DIAPH2: variants seen among roughly 807,000 people sequenced by gnomAD.
DIAPH2 encodes the protein protein diaphanous homolog 2.
A neutral mutation model predicts 92.7 loss-of-function variants in DIAPH2; 35 were observed. The ratio of observed to expected loss-of-function variants is 0.38; its 90% CI spans 0.29 to 0.50. The LOEUF (loss-of-function observed/expected upper bound fraction) is 0.50. Among genes scored for constraint, DIAPH2 ranks in the 20% least tolerant of loss-of-function variants. The pLI, the probability that DIAPH2 is intolerant of heterozygous loss-of-function variation, is 0.94. For synonymous variants in DIAPH2, 301 were observed against 280.4 expected, an observed-to-expected ratio of 1.07 and a Z score of -0.73; for missense variants, 701 against 819.5, an observed-to-expected ratio of 0.86 and a Z score of 1.77.
At chrX:97,010,707 T>C (rs780383540) in intron 17 of DIAPH2, among the ~76,000 whole-genome samples, 6 of 112,243 alleles carry the variant, frequency 5.3e-5, no homozygotes, top group African/African-American at 1.9e-4. Flanking sequence ...ATTTAGTACT[T>C]GTAAAAATTA....
At chrX:96,907,954 A>G (rs1216616358) in intron 5 of DIAPH2, among the ~76,000 whole-genome samples, 1 of 112,147 alleles carries the variant, frequency 8.9e-6, no homozygotes, top group African/African-American at 3.2e-5. Context: ...ATACTAATAC[A>G]TGCAACGAAA....
In DIAPH2 at chrX:96,765,201, T is replaced by C. The variant is rs1054529144; in HGVS notation, c.447+6943T>C. The stretch of plus-strand genomic sequence containing the variant: ...AGAGACCATATTCACATGTTTTTTT[T>C]TTTTTTTTTTTTTTGAGAAAGGGTC... On this transcript the variant is annotated intron_variant, in intron 4 of 26. Transcript: ENST00000324765. Among the ~76,000 whole-genome samples the C allele has an allele frequency of 8.4e-5, 4 of 47,359 alleles. No individual in the cohort carries two copies. The South Asian group carries it at 4.1e-3, about 48-fold the overall frequency. The allele number at this position is 47,359 out of a possible 115,157, so 41.1% of individuals were successfully genotyped here. A position where few individuals can be genotyped will look rare whatever the true frequency, so the allele number is the denominator to read the frequency against.
intron 19 of DIAPH2, among the ~76,000 whole-genome samples, chrX:97,084,496 T>C (rs1275676008): frequency 2.7e-5 from 3 of 111,365 alleles, no homozygotes; most frequent in African/African-American, 9.8e-5. Flanking sequence ...AGGGTGATAA[T>C]TCTCCTGGGG....
At chrX:97,114,249 A>AGC (rs747210636) in intron 20 of DIAPH2, among the ~76,000 whole-genome samples, 4,797 of 112,026 alleles carry the variant, frequency 0.043, 95 homozygotes, top group Middle Eastern at 0.065. Flanking sequence ...TAAATGCTCA[A>AGC]TCAGAGCTAG....
At chrX:97,141,870 C>A in intron 22 of DIAPH2, 76 bp downstream of exon 22, 2 of 1,036,033 alleles carry the variant, frequency 1.9e-6, no homozygotes, top group Non-Finnish European at 2.6e-6. Context: ...AATCTGTAAA[C>A]ATTATTCATA....
chrX:96,706,114 A>T (rs745322876), intron 1 of DIAPH2, among the ~76,000 whole-genome samples: 20 of 112,320 alleles, frequency 1.8e-4, no homozygotes, highest in African/African-American at 6.5e-4. Context: ...GAAACATCAG[A>T]GTAATTTTTA....
At chrX:96,896,881 A>T (rs1277071951) in intron 5 of DIAPH2, among the ~76,000 whole-genome samples, 3 of 111,738 alleles carry the variant, frequency 2.7e-5, no homozygotes, top group Non-Finnish European at 5.6e-5. Flanking sequence ...TGTCATGTAT[A>T]TATTTGTTAT....
At chrX:96,950,537 A>G (rs2065767731) in intron 15 of DIAPH2, among the ~76,000 whole-genome samples, 1 of 110,477 alleles carries the variant, frequency 9.1e-6, no homozygotes, top group South Asian at 3.8e-4. Context: ...TCTTTCTTCA[A>G]CTCCACTCAT....
chrX:96,846,820 A>C lies in DIAPH2; in HGVS notation c.448-34759A>C, dbSNP rs773742301. On this transcript the variant is annotated intron_variant, in intron 4 of 26. Transcript: ENST00000324765. ...CAGATCTTTTGGTCCTGTGTTTCAA[A>C]GTACATTGTGAATTTTGACTGAAAT... Among the ~76,000 whole-genome samples the C allele has an allele frequency of 7.3e-3, 803 of 109,336 alleles. 6 individuals are homozygous for C. The highest frequency in any genetic ancestry group is 0.019 in the Middle Eastern group (4 of 213). 94.9% of individuals were successfully genotyped at this position (109,336 alleles called of 115,157 possible).
At chrX:97,192,164 C>A (rs1032491687) in intron 22 of DIAPH2, among the ~76,000 whole-genome samples, 1 of 108,346 alleles carries the variant, frequency 9.2e-6, no homozygotes, top group Non-Finnish European at 1.9e-5. Context: ...GTGGCTCGCA[C>A]CTGTAGGTGC....
intron 5 of DIAPH2, among the ~76,000 whole-genome samples, chrX:96,901,600 C>T (rs1388055124): frequency 4.6e-5 from 4 of 86,851 alleles, no homozygotes; most frequent in Admixed American, 2.9e-4. Flanking sequence ...GGTTCAATCT[C>T]GGCTCAGTGC....
In DIAPH2 at chrX:97,348,388, A is replaced by AT. The variant is rs928992188; in HGVS notation, c.3009+115dup. The AT allele has an allele frequency of 1.2e-5, 8 of 649,428 alleles. No individual in the cohort carries two copies. In the Middle Eastern group the frequency reaches 1.6e-3, roughly 130 times the overall value. The allele number at this position is 649,428 out of a possible 1,213,427, so 53.5% of individuals were successfully genotyped here. On this transcript the variant is annotated intron_variant, in intron 24 of 26. Coordinates refer to ENST00000324765, the MANE Select transcript of DIAPH2 (RefSeq NM_006729.5). ...ATTGACTATATTGATTTCATGTGAC[A>AT]TTTTTTTAATAAGAATTGACAGATA...
intron 22 of DIAPH2, among the ~76,000 whole-genome samples, chrX:97,168,185 A>G (rs1027154852): frequency 9.2e-6 from 1 of 108,555 alleles, no homozygotes; most frequent in Non-Finnish European, 1.9e-5. Context: ...CCTGGTTTCA[A>G]GCGATTCTCC....
intron 22 of DIAPH2, among the ~76,000 whole-genome samples, chrX:97,221,898 A>G (rs2067928892): frequency 9.0e-6 from 1 of 110,888 alleles, no homozygotes; most frequent in Non-Finnish European, 1.9e-5. Flanking sequence ...TGATTCTATA[A>G]AGTACACAAA....
intron 17 of DIAPH2, among the ~76,000 whole-genome samples, chrX:97,054,920 C>G (rs967088777): frequency 9.0e-6 from 1 of 111,210 alleles, no homozygotes; most frequent in African/African-American, 3.3e-5. Flanking sequence ...AATTTCATAG[C>G]TCTTCTATAC....
chrX:97,479,505 A>G (rs1472506175), intron 26 of DIAPH2, among the ~76,000 whole-genome samples: 1 of 112,216 alleles, frequency 8.9e-6, no homozygotes, highest in Non-Finnish European at 1.9e-5. Flanking sequence ...TGTACCTCAT[A>G]CACAAAAGCA....
At chrX:96,823,019 C>A (rs762736198) in intron 4 of DIAPH2, among the ~76,000 whole-genome samples, 3 of 111,053 alleles carry the variant, frequency 2.7e-5, no homozygotes, top group Admixed American at 9.6e-5. Context: ...ATATATTCAG[C>A]CTAATTAGCA....
intron 19 of DIAPH2, among the ~76,000 whole-genome samples, chrX:97,097,995 C>T (rs888990901): frequency 3.6e-5 from 4 of 110,974 alleles, no homozygotes; most frequent in Non-Finnish European, 7.5e-5. Context: ...TCAAAGGGTG[C>T]GATATTTTAA....
intron 23 of DIAPH2, among the ~76,000 whole-genome samples, chrX:97,312,047 C>G (rs2068798930): frequency 9.1e-6 from 1 of 110,422 alleles, no homozygotes; most frequent in Admixed American, 9.7e-5. Flanking sequence ...CCAGGATGGT[C>G]TCGATCTCCT....
Sources: allele counts gnomAD v4.1 joint callset (sites outside exome capture counted in the v4.1 genomes callset), GRCh38; gene constraint gnomAD v4.1.1; transcripts MANE v1.5; gene names NCBI Gene and HGNC (gene_info 2026-07-23, HGNC 2026-07-21).